Variants in UBE2H observed in about 807,000 individuals in gnomAD.
UBE2H encodes the protein ubiquitin conjugating enzyme E2 H.
In UBE2H, 3 loss-of-function variants were observed where a neutral mutation model predicts 29.0. The observed-to-expected ratio is 0.10, with a 90% CI of 0.05 to 0.27. The LOEUF (loss-of-function observed/expected upper bound fraction) is 0.27. Among genes scored for constraint, UBE2H ranks in the 10% least tolerant of loss-of-function variants. The pLI is 1.00. For missense variants in UBE2H, 68 were observed against 228.2 expected, an observed-to-expected ratio of 0.30 and a Z score of 4.52; for synonymous variants, 69 against 82.9, an observed-to-expected ratio of 0.83 and a Z score of 0.91.
chr7:129,893,717 GCTTTGCTGTTT>G (rs1806545979), intron 1 of UBE2H, among the ~76,000 whole-genome samples: 1 of 152,186 alleles, frequency 6.6e-6, no homozygotes, highest in Non-Finnish European at 1.5e-5. Flanking sequence ...AAACTTGACT[GCTTTGCTGTTT>G]TATGGCAATA....
At chr7:129,944,585 C>A (rs1234624409) in intron 1 of UBE2H, among the ~76,000 whole-genome samples, 3 of 151,988 alleles carry the variant, frequency 2.0e-5, no homozygotes, top group Admixed American at 2.0e-4. Flanking sequence ...GAGACCTCAT[C>A]TCTACAAAAA....
At chr7:129,914,321 C>T (rs1004984410) in intron 1 of UBE2H, among the ~76,000 whole-genome samples, 10 of 152,122 alleles carry the variant, frequency 6.6e-5, no homozygotes, top group Non-Finnish European at 1.5e-4. Flanking sequence ...GAGCGCCCCA[C>T]CATGCCTGGC....
intron 1 of UBE2H, chr7:129,948,949 T>A (rs966914236): frequency 2.2e-6 from 1 of 455,966 alleles, no homozygotes; most frequent in East Asian, 6.9e-5. Flanking sequence ...CACACTCTCT[T>A]GTCACATACT....
At chr7:129,935,396 G>C (rs1463027621) in intron 1 of UBE2H, among the ~76,000 whole-genome samples, 1 of 145,612 alleles carries the variant, frequency 6.9e-6, no homozygotes, top group Non-Finnish European at 1.5e-5. Flanking sequence ...CTGGGCGACA[G>C]AGCGAGACTG....
At chr7:129,927,497 G>A (rs964140266) in intron 1 of UBE2H, among the ~76,000 whole-genome samples, 3 of 152,018 alleles carry the variant, frequency 2.0e-5, no homozygotes, top group East Asian at 1.9e-4. Context: ...CCGAGATTGC[G>A]CCACTGCACT....
intron 6 of UBE2H, among the ~76,000 whole-genome samples, chr7:129,835,664 G>A (rs564116227): frequency 7.9e-5 from 12 of 152,238 alleles, no homozygotes; most frequent in Admixed American, 3.3e-4. Context: ...GTAGATTTCC[G>A]CTGCTACAGC....
At chr7:129,931,591 A>G (rs573317187) in intron 1 of UBE2H, among the ~76,000 whole-genome samples, 1 of 152,300 alleles carries the variant, frequency 6.6e-6, no homozygotes, top group East Asian at 1.9e-4. Flanking sequence ...AACTCTCTTT[A>G]ATATCCAGCT....
At chr7:129,915,528 T>C (rs28473687) in intron 1 of UBE2H, among the ~76,000 whole-genome samples, 38,502 of 151,982 alleles carry the variant, frequency 0.25, 5,087 homozygotes, top group African/African-American at 0.31. Context: ...AGCGAGACTC[T>C]GTCTCAAAAA....
chr7:129,913,919 C>T (rs576924629), intron 1 of UBE2H, among the ~76,000 whole-genome samples: 6 of 152,210 alleles, frequency 3.9e-5, no homozygotes, highest in South Asian at 4.1e-4. Flanking sequence ...CTTTTGTTAC[C>T]GACATGGAAG....
At chr7:129,921,696 A>C (rs375878106) in intron 1 of UBE2H, among the ~76,000 whole-genome samples, 83 of 125,456 alleles carry the variant, frequency 6.6e-4, no homozygotes, top group Middle Eastern at 4.1e-3. Flanking sequence ...CTCTGTCACA[A>C]AAAAAAAAAA....
intron 5 of UBE2H, chr7:129,839,700 G>T: frequency 8.1e-6 from 2 of 248,380 alleles, no homozygotes; most frequent in East Asian, 1.6e-4. Flanking sequence ...GACAGTTTTT[G>T]TGGGGTTTTT....
chr7:129,873,678 T>C (rs905339898), intron 3 of UBE2H, among the ~76,000 whole-genome samples: 1 of 152,026 alleles, frequency 6.6e-6, no homozygotes, highest in Non-Finnish European at 1.5e-5. Context: ...TCTCCAGTGA[T>C]GTGCCCACTT....
chr7:129,864,413 C>G lies in UBE2H; in HGVS notation c.206-5472G>C, dbSNP rs532437792. Among the ~76,000 whole-genome samples the G allele has an allele frequency of 4.6e-5, 7 of 152,210 alleles. No individual in the cohort carries two copies. In the East Asian group the frequency reaches 1.4e-3, roughly 29 times the overall value. On this transcript the variant is annotated intron_variant, in intron 3 of 6. Transcript: ENST00000355621. ...TTTCCCAACACTTGTTTCCATTAGACCAGGAACTATTTTCAAGATATTTTA... is the reference window on the plus strand; with the variant it reads ...TTTCCCAACACTTGTTTCCATTAGAGCAGGAACTATTTTCAAGATATTTTA...
chr7:129,950,360 T>C (rs897778272), intron 1 of UBE2H, among the ~76,000 whole-genome samples: 2 of 152,096 alleles, frequency 1.3e-5, no homozygotes, highest in Admixed American at 6.6e-5. Flanking sequence ...CTTCATCTTC[T>C]ACTAAAAATA....
At chr7:129,927,717 A>G (rs1018260303) in intron 1 of UBE2H, among the ~76,000 whole-genome samples, 1 of 152,230 alleles carries the variant, frequency 6.6e-6, no homozygotes. Flanking sequence ...GCAGGCACGC[A>G]AAGACATGTA....
intron 5 of UBE2H, among the ~76,000 whole-genome samples, chr7:129,842,228 C>T (rs1399736886): frequency 3.9e-5 from 6 of 152,144 alleles, no homozygotes; most frequent in Non-Finnish European, 7.3e-5. Context: ...GCCAGGAGTT[C>T]GAGACCAGCC....
intron 1 of UBE2H, 30 bp from the exon 2 acceptor site, chr7:129,881,001 G>A: frequency 1.3e-6 from 2 of 1,592,386 alleles, no homozygotes; most frequent in South Asian, 1.1e-5. Flanking sequence ...AAATTACACA[G>A]GCTTTACAGT....
intron 1 of UBE2H, among the ~76,000 whole-genome samples, chr7:129,898,126 T>A (rs1482524533): frequency 6.6e-6 from 1 of 151,944 alleles, no homozygotes; most frequent in Admixed American, 6.6e-5. Context: ...TATGAGTAAA[T>A]AAGCAAGAAA....
intron 1 of UBE2H, chr7:129,949,034 CG>C (rs1350507470): frequency 2.2e-6 from 1 of 456,626 alleles, no homozygotes; most frequent in Admixed American, 2.3e-5. Context: ...CGCTGAGGAG[CG>C]GTGCCTGCGG....
Sources: gnomAD v4.1 joint callset for allele counts (sites outside exome capture counted in the v4.1 genomes callset) on GRCh38, gnomAD v4.1.1 for gene constraint, MANE v1.5 for transcripts, NCBI Gene and HGNC (gene_info 2026-07-23, HGNC 2026-07-21) for gene names.